Variants in CSMD1 observed in about 807,000 individuals in gnomAD.
CSMD1 encodes the protein CUB and Sushi multiple domains 1, also known as CUB and sushi domain-containing protein 1.
In CSMD1, 213 loss-of-function variants were observed where a neutral mutation model predicts 417.5. The observed-to-expected ratio is 0.51, with a 90% CI of 0.46 to 0.57. The LOEUF is 0.57. Among genes scored for constraint, CSMD1 ranks in the 20% least tolerant of loss-of-function variants. CSMD1 has a pLI of 0.00. For missense variants in CSMD1, 6,923 were observed against 4,529.7 expected (o/e 1.53, Z -15.17); for synonymous variants, 2,862 against 1,736.8 (o/e 1.65, Z -16.11).
At chr8:3,559,176 G>C (rs754663081) in intron 10 of CSMD1, among the ~76,000 whole-genome samples, 3 of 152,176 alleles carry the variant, frequency 2.0e-5, no homozygotes, top group Non-Finnish European at 4.4e-5. Context: ...CTCTCTTTTA[G>C]CATATGGTAT....
At chr8:4,058,094 G>A (rs1385450664) in intron 3 of CSMD1, among the ~76,000 whole-genome samples, 1 of 152,090 alleles carries the variant, frequency 6.6e-6, no homozygotes, top group Admixed American at 6.6e-5. Flanking sequence ...GCTTGATGGG[G>A]ATGGCATTGA....
intron 2 of CSMD1, among the ~76,000 whole-genome samples, chr8:4,563,506 A>G (rs1201029507): frequency 6.6e-6 from 1 of 152,184 alleles, no homozygotes; most frequent in Non-Finnish European, 1.5e-5. Context: ...TGTGCCGGCT[A>G]TACCTGCCCT....
At chr8:3,350,378 C>T (rs1050317620) in intron 21 of CSMD1, among the ~76,000 whole-genome samples, 1 of 151,870 alleles carries the variant, frequency 6.6e-6, no homozygotes, top group Non-Finnish European at 1.5e-5. Context: ...TCAATAAACC[C>T]CATTTACAGA....
chr8:3,333,073 C>T (rs1807013851), intron 23 of CSMD1, among the ~76,000 whole-genome samples: 2 of 152,180 alleles, frequency 1.3e-5, no homozygotes, highest in South Asian at 4.1e-4. Context: ...AGACCACAGC[C>T]ACGTGGCAGG....
chr8:4,718,869 A>T (rs952001487), intron 1 of CSMD1, among the ~76,000 whole-genome samples: 1 of 152,128 alleles, frequency 6.6e-6, no homozygotes, highest in East Asian at 1.9e-4. Flanking sequence ...CCAAAATGTA[A>T]ATGAATGAAA....
At chr8:3,025,611 C>G (rs1357872827) in intron 51 of CSMD1, among the ~76,000 whole-genome samples, 3 of 152,208 alleles carry the variant, frequency 2.0e-5, no homozygotes, top group African/African-American at 4.8e-5. Flanking sequence ...GACTACACTA[C>G]CAACCATCAA....
intron 3 of CSMD1, among the ~76,000 whole-genome samples, chr8:4,246,625 G>T (rs1362084454): frequency 6.6e-6 from 1 of 152,136 alleles, no homozygotes; most frequent in Admixed American, 6.5e-5. Flanking sequence ...TTGTTCAGCA[G>T]AAATGAATTT....
intron 7 of CSMD1, among the ~76,000 whole-genome samples, chr8:3,624,889 G>T (rs753530624): frequency 1.3e-5 from 2 of 152,108 alleles, no homozygotes; most frequent in Admixed American, 6.5e-5. Flanking sequence ...TTTGCAGGAG[G>T]TTTATATCTC....
At chr8:3,577,249 T>A (rs2116952246) in intron 9 of CSMD1, among the ~76,000 whole-genome samples, 1 of 152,306 alleles carries the variant, frequency 6.6e-6, no homozygotes, top group Non-Finnish European at 1.5e-5. Context: ...GCATCATATT[T>A]TATTTGTGAA....
At chr8:3,377,908 T>G (rs973830912) in intron 18 of CSMD1, among the ~76,000 whole-genome samples, 2 of 152,234 alleles carry the variant, frequency 1.3e-5, no homozygotes, top group Non-Finnish European at 1.5e-5. Flanking sequence ...ATTATCTCTC[T>G]CTCTCTTTCT....
At chr8:4,130,957 A>G (rs1387720276) in intron 3 of CSMD1, among the ~76,000 whole-genome samples, 1 of 152,122 alleles carries the variant, frequency 6.6e-6, no homozygotes, top group East Asian at 1.9e-4. Context: ...AATCTATAAA[A>G]TAGAAAACAT....
chr8:3,650,499 CA>C (rs1270415365), intron 7 of CSMD1, among the ~76,000 whole-genome samples: 1 of 152,086 alleles, frequency 6.6e-6, no homozygotes, highest in Non-Finnish European at 1.5e-5. Context: ...CTGGTGGGAC[CA>C]GGGGCTACTG....
intron 7 of CSMD1, among the ~76,000 whole-genome samples, chr8:3,654,950 T>C (rs1313205656): frequency 6.6e-6 from 1 of 152,208 alleles, no homozygotes; most frequent in Non-Finnish European, 1.5e-5. Context: ...TCCTGCTTTT[T>C]GGAGCCTGAT....
chr8:3,377,759 G>A (rs4551381), intron 18 of CSMD1, among the ~76,000 whole-genome samples: 1 of 152,118 alleles, frequency 6.6e-6, no homozygotes, highest in African/African-American at 2.4e-5. Context: ...GAAACACCAG[G>A]TTAAGGGCTG....
At chr8:3,724,333 T>A (rs1394796289) in intron 6 of CSMD1, among the ~76,000 whole-genome samples, 1 of 152,150 alleles carries the variant, frequency 6.6e-6, no homozygotes, top group African/African-American at 2.4e-5. Context: ...TATCTCCCAA[T>A]GCTATCCCGG....
At chr8:3,366,388 A>G (rs1244481189) in intron 20 of CSMD1, among the ~76,000 whole-genome samples, 2 of 152,180 alleles carry the variant, frequency 1.3e-5, no homozygotes, top group Non-Finnish European at 2.9e-5. Context: ...TATCTGTAGA[A>G]AAAATTAGCA....
At chr8:3,580,048 G>A (rs930949495) in intron 9 of CSMD1, among the ~76,000 whole-genome samples, 4 of 152,206 alleles carry the variant, frequency 2.6e-5, no homozygotes, top group East Asian at 3.9e-4. Context: ...AAGTTGCAGC[G>A]AGCCAAGATA....
intron 3 of CSMD1, among the ~76,000 whole-genome samples, chr8:4,316,048 G>C (rs186171586): frequency 6.6e-6 from 1 of 151,742 alleles, no homozygotes; most frequent in Non-Finnish European, 1.5e-5. Context: ...ATCCCACTGA[G>C]AAATATATGA....
intron 5 of CSMD1, among the ~76,000 whole-genome samples, chr8:3,837,233 T>C (rs1177279341): frequency 6.6e-6 from 1 of 152,180 alleles, no homozygotes; most frequent in African/African-American, 2.4e-5. Flanking sequence ...TAGATGTGCA[T>C]AGCTAAAGCT....
Sources: allele counts gnomAD v4.1 joint callset (sites outside exome capture counted in the v4.1 genomes callset), GRCh38; gene constraint gnomAD v4.1.1; transcripts MANE v1.5; gene names NCBI Gene and HGNC (gene_info 2026-07-23, HGNC 2026-07-21).